The following HMGN2 variants were observed in gnomAD, a reference collection of about 807,000 sequenced individuals.
The protein encoded by HMGN2 is non-histone chromosomal protein HMG-17.
Under a neutral mutation model 16.9 loss-of-function variants are expected in HMGN2, and 2 were observed. The ratio of observed to expected loss-of-function variants is 0.12; its 90% CI spans 0.05 to 0.37. The LOEUF is 0.37. Among genes scored for constraint, HMGN2 ranks in the 10% least tolerant of loss-of-function variants. HMGN2 has a pLI of 1.00. For synonymous variants in HMGN2, 31 were observed against 34.9 expected, an observed-to-expected ratio of 0.89 and a Z score of 0.39; for missense variants, 90 against 106.0, an observed-to-expected ratio of 0.85 and a Z score of 0.66.
In HMGN2 at chr1:26,473,466, GTTC is replaced by G; in HGVS notation, c.16-14_16-12del. On this transcript the variant is annotated splice_polypyrimidine_tract_variant and intron_variant, in intron 1 of 5. Coordinates refer to ENST00000361427, the MANE Select transcript of HMGN2 (RefSeq NM_005517.4). ...ACCACCTCAAAATCTGCAGTTTTTT[GTTC>G]TTGTTTCTTATAGGCTGAAGGGGAT... 1 of 1,604,328 alleles carries G rather than the reference GTTC, an allele frequency of 6.2e-7. No homozygotes were observed. The highest frequency in any genetic ancestry group is 8.5e-7 in the Non-Finnish European group (1 of 1,171,838).
rs765469146 is a variant in HMGN2 at position 26,474,072 on chromosome 1, C to G, written c.91-13C>G. ...CTGATGTTCACTTTTTCCTCTCTTC[C>G]TGCCAAAAAAAGAAACCTGCTCCTC... is the stretch of plus-strand genomic sequence containing the variant. On this transcript the variant is annotated splice_polypyrimidine_tract_variant and intron_variant, in intron 3 of 5. Coordinates refer to ENST00000361427, the MANE Select transcript of HMGN2 (RefSeq NM_005517.4). 1 of 1,606,470 alleles carries G rather than the reference C, an allele frequency of 6.2e-7. No homozygotes were observed. Among genetic ancestry groups the G allele is most frequent in the Non-Finnish European group, 8.5e-7 (1 of 1,177,434 alleles).
In HMGN2 at chr1:26,472,465, G is replaced by A; in HGVS notation, c.-148G>A. The A allele has an allele frequency of 2.1e-6, 2 of 961,938 alleles. No homozygotes were observed. The highest frequency in any genetic ancestry group is 1.7e-5 in the African/African-American group (1 of 59,668). 59.6% of individuals were successfully genotyped at this position (961,938 alleles called of 1,614,324 possible). A position where few individuals can be genotyped will look rare whatever the true frequency, so the allele number is the denominator to read the frequency against. On this transcript the variant is annotated 5_prime_UTR_variant, in exon 1 of 6. Transcript: ENST00000361427. ...GAAATCCGGTTCTAACCGGTCCGGG[G>A]CTCCCAGCGCTATAAAAACTTTATA... is the stretch of plus-strand genomic sequence containing the variant.
At chr1:26,474,700 G>T (rs765156895) in intron 5 of HMGN2, 33 bp downstream of exon 5, 3 of 1,013,956 alleles carry the variant, frequency 3.0e-6, no homozygotes, top group East Asian at 4.8e-5. Context: ...TGTTAGATTT[G>T]TTCATTCAGT....
chr1:26,474,822 A>G, intron 5 of HMGN2, 155 bp downstream of exon 5: 1 of 630,480 alleles, frequency 1.6e-6, no homozygotes, highest in Non-Finnish European at 2.8e-6. Flanking sequence ...GATTCTTGAA[A>G]TCTCTACTGT....
At position 26,472,525 on chromosome 1, in the gene HMGN2, C is replaced by A; in HGVS notation, c.-88C>A. ...GAGCCCGAGCAGTGTGAAGAAGAGGCGAGAACGACCCCCGGACCGACCAAA... is the reference window on the plus strand; with the variant it reads ...GAGCCCGAGCAGTGTGAAGAAGAGGAGAGAACGACCCCCGGACCGACCAAA... On this transcript the variant is annotated 5_prime_UTR_variant, in exon 1 of 6. Coordinates refer to ENST00000361427, the MANE Select transcript of HMGN2 (RefSeq NM_005517.4). The A allele has an allele frequency of 6.8e-7, 1 of 1,480,038 alleles. No individual in the cohort carries two copies. Among genetic ancestry groups the A allele is most frequent in the Non-Finnish European group, 9.1e-7 (1 of 1,098,786 alleles). 91.7% of individuals were successfully genotyped at this position (1,480,038 alleles called of 1,614,324 possible).
At chr1:26,473,407 T>C in intron 1 of HMGN2, 76 bp from the exon 2 acceptor site, 1 of 1,061,954 alleles carries the variant, frequency 9.4e-7, no homozygotes, top group Non-Finnish European at 1.5e-6. Flanking sequence ...TAATTTTCAT[T>C]TTTAGCACTC....
chr1:26,473,552 CA>C, intron 2 of HMGN2, 25 bp downstream of exon 2: 1 of 1,597,340 alleles, frequency 6.3e-7, no homozygotes, highest in Non-Finnish European at 8.6e-7. Context: ...CTTCAAGGGT[CA>C]AAGCCTTGGA....
chr1:26,474,213 G>T, intron 4 of HMGN2, 78 bp downstream of exon 4: 1 of 1,048,146 alleles, frequency 9.5e-7, no homozygotes, highest in Non-Finnish European at 1.4e-6. Context: ...TAGCATAATG[G>T]TGCCTCCATT....
chr1:26,475,587 G>A lies in HMGN2; in HGVS notation c.*439G>A, dbSNP rs574346258. On this transcript the variant is annotated 3_prime_UTR_variant, in exon 6 of 6. Coordinates refer to ENST00000361427, the MANE Select transcript of HMGN2 (RefSeq NM_005517.4). ...ACCCCTAGTCATTGGTTACCAGTGT[G>A]TCAGGCAATCTGGACTTTCCAGTGA... 5 of 314,676 alleles carry A rather than the reference G, an allele frequency of 1.6e-5. No individual in the cohort carries two copies. Among genetic ancestry groups the A allele is most frequent in the African/African-American group, 1.1e-4 (5 of 44,968 alleles). 19.5% of individuals were successfully genotyped at this position (314,676 alleles called of 1,614,324 possible).
In HMGN2 at chr1:26,472,586, C is replaced by T; in HGVS notation, c.-27C>T. The T allele has an allele frequency of 6.5e-7, 1 of 1,535,876 alleles. No individual in the cohort carries two copies. The highest frequency in any genetic ancestry group is 8.7e-7 in the Non-Finnish European group (1 of 1,148,128). The stretch of plus-strand genomic sequence containing the variant: ...CGCTGCATCCCGCGTCCAGCACCTA[C>T]GTCCCGCTGCCGTCGCCGCCGCCAC... On this transcript the variant is annotated 5_prime_UTR_variant, in exon 1 of 6. It adds an upstream start codon to the 5' untranslated region. Coordinates refer to ENST00000361427, the MANE Select transcript of HMGN2 (RefSeq NM_005517.4).
At position 26,472,609 on chromosome 1, in the gene HMGN2, C is replaced by T. The variant is rs1417741748; in HGVS notation, c.-4C>T. ...TACGTCCCGCTGCCGTCGCCGCCGC[C>T]ACCATGCCCAAGAGAAAGGTACGTG... is the stretch of plus-strand genomic sequence containing the variant. On this transcript the variant is annotated 5_prime_UTR_variant, in exon 1 of 6. Coordinates refer to ENST00000361427, the MANE Select transcript of HMGN2 (RefSeq NM_005517.4). The T allele has an allele frequency of 6.5e-7, 1 of 1,535,176 alleles. No homozygotes were observed. Among genetic ancestry groups the T allele is most frequent in the Admixed American group, 2.0e-5 (1 of 51,222 alleles).
intron 4 of HMGN2, 152 bp downstream of exon 4, chr1:26,474,287 T>C: frequency 3.1e-6 from 2 of 638,922 alleles, no homozygotes; most frequent in South Asian, 2.1e-5. Context: ...GTTGGTTTCC[T>C]GATCAAGAAT....
At position 26,472,567 on chromosome 1, in the gene HMGN2, A is replaced by T. The variant is rs1468473821; in HGVS notation, c.-46A>T. The T allele has an allele frequency of 4.6e-6, 7 of 1,535,026 alleles. No homozygotes were observed. The highest frequency in any genetic ancestry group is 6.1e-6 in the Non-Finnish European group (7 of 1,147,798). ...CCGACCAAAGCCCGCGCGCCGCTGC[A>T]TCCCGCGTCCAGCACCTACGTCCCG... On this transcript the variant is annotated 5_prime_UTR_variant, in exon 1 of 6. Coordinates refer to ENST00000361427, the MANE Select transcript of HMGN2 (RefSeq NM_005517.4).
chr1:26,473,410 T>C, intron 1 of HMGN2, 73 bp from the exon 2 acceptor site: 1 of 1,067,134 alleles, frequency 9.4e-7, no homozygotes, highest in South Asian at 1.3e-5. Context: ...TTTTCATTTT[T>C]AGCACTCTAA....
intron 1 of HMGN2, 22 bp downstream of exon 1, chr1:26,472,649 G>C (rs1445838165): frequency 6.6e-7 from 1 of 1,526,566 alleles, no homozygotes; most frequent in East Asian, 2.5e-5. Flanking sequence ...GAGGGCCCCA[G>C]GCGCCGGGCC....
chr1:26,472,678 G>T (rs1239180649), intron 1 of HMGN2, 51 bp downstream of exon 1: 1 of 1,473,832 alleles, frequency 6.8e-7, no homozygotes, highest in Non-Finnish European at 9.1e-7. Context: ...CGCCACCGCC[G>T]CCGCCGCCTC....
At chr1:26,473,963 A>G (rs763106212) in intron 3 of HMGN2, 122 bp from the exon 4 acceptor site, 73 of 891,994 alleles carry the variant, frequency 8.2e-5, no homozygotes, top group East Asian at 2.0e-4. Flanking sequence ...AAAGCCAACC[A>G]CAAAAACTTT....
At chr1:26,474,293 A>G (rs1440511787) in intron 4 of HMGN2, among the ~76,000 whole-genome samples, 158 bp downstream of exon 4, 2 of 152,218 alleles carry the variant, frequency 1.3e-5, no homozygotes, top group Non-Finnish European at 2.9e-5. Context: ...TTCCTGATCA[A>G]GAATTCTGTT....
At chr1:26,473,173 A>C (rs1387182286) in intron 1 of HMGN2, 1 of 358,882 alleles carries the variant, frequency 2.8e-6, no homozygotes, top group Non-Finnish European at 5.1e-6. Context: ...CTGCCATAGC[A>C]ACGGCGCTGG....
Sources: allele counts gnomAD v4.1 joint callset (sites outside exome capture counted in the v4.1 genomes callset), GRCh38; gene constraint gnomAD v4.1.1; transcripts MANE v1.5; gene names NCBI Gene and HGNC (gene_info 2026-07-23, HGNC 2026-07-21).